The following QTRT2 variants were observed in gnomAD, a reference collection of about 807,000 sequenced individuals.
The protein encoded by QTRT2 is queuine tRNA-ribosyltransferase domain containing 1.
Under a neutral mutation model 44.8 loss-of-function variants are expected in QTRT2, and 32 were observed. That is an observed-to-expected ratio of 0.71 (90% CI 0.54 to 0.96). QTRT2 has a LOEUF of 0.96. Among genes scored for constraint, QTRT2 ranks in the 40% least tolerant of loss-of-function variants. The probability of loss-of-function intolerance (pLI) is 0.00; values close to 1 mark genes in which losing one functional copy is unlikely to be tolerated. For missense variants in QTRT2, 461 were observed against 503.1 expected (o/e 0.92, Z 0.80); for synonymous variants, 182 against 187.4 (o/e 0.97, Z 0.24).
intron 5 of QTRT2, chr3:114,068,442 A>G (rs1036131706): frequency 3.4e-5 from 8 of 237,190 alleles, no homozygotes; most frequent in African/African-American, 1.5e-4. Flanking sequence ...TATCACATGT[A>G]TAACTATATA....
chr3:114,069,225 T>C (rs1004480197), intron 5 of QTRT2, among the ~76,000 whole-genome samples: 8 of 152,144 alleles, frequency 5.3e-5, no homozygotes, highest in African/African-American at 1.9e-4. Flanking sequence ...TAACCAAAGA[T>C]AGAATTTTTT....
At chr3:114,072,943 T>C (rs938397462) in intron 6 of QTRT2, among the ~76,000 whole-genome samples, 1 of 152,142 alleles carries the variant, frequency 6.6e-6, no homozygotes, top group Non-Finnish European at 1.5e-5. Context: ...ATTTTAATAT[T>C]TGAGATCATG....
Position 114,070,857 on chromosome 3 carries a change from C to T in QTRT2, c.546+19C>T. 3 of 1,601,034 alleles carry T rather than the reference C, an allele frequency of 1.9e-6. No individual in the cohort carries two copies. Among genetic ancestry groups the T allele is most frequent in the Non-Finnish European group, 2.6e-6 (3 of 1,169,654 alleles). On this transcript the variant is annotated intron_variant, in intron 6 of 9. Coordinates refer to ENST00000281273, the MANE Select transcript of QTRT2 (RefSeq NM_024638.4). ...GTCAGAGGTAAGGCTGTGCCACTAA[C>T]CACTCCTTTCTCTTGACACTCTTGC...
chr3:114,083,059 C>A, intron 9 of QTRT2: 2 of 414,838 alleles, frequency 4.8e-6, no homozygotes, highest in South Asian at 2.1e-5. Context: ...CATTGTTTGG[C>A]GTCTTGTATT....
At chr3:114,062,368 CAAAA>C (rs143192501) in intron 2 of QTRT2, among the ~76,000 whole-genome samples, 10 of 86,148 alleles carry the variant, frequency 1.2e-4, no homozygotes, top group African/African-American at 3.1e-4. Flanking sequence ...GACCTTGTCT[CAAAA>C]AAAAAAAAAA....
intron 6 of QTRT2, among the ~76,000 whole-genome samples, chr3:114,075,504 ATT>A (rs34436490): frequency 0.052 from 6,135 of 118,618 alleles, 307 homozygotes; most frequent in African/African-American, 0.17. Context: ...AGTTTTACTG[ATT>A]TTTTTTTTTT....
At position 114,086,063 on chromosome 3, in the gene QTRT2, G is replaced by T. The variant is rs2077233518; in HGVS notation, c.*159G>T. The T allele has an allele frequency of 3.2e-6, 2 of 624,906 alleles. No individual in the cohort carries two copies. Among genetic ancestry groups the T allele is most frequent in the Admixed American group, 5.7e-5 (2 of 35,278 alleles). 38.7% of individuals were successfully genotyped at this position (624,906 alleles called of 1,614,324 possible). A position where few individuals can be genotyped will look rare whatever the true frequency, so the allele number is the denominator to read the frequency against. On this transcript the variant is annotated 3_prime_UTR_variant, in exon 10 of 10. Transcript: ENST00000281273. The stretch of plus-strand genomic sequence containing the variant: ...TTTGTACCAAACTGCCCACATGAGG[G>T]TGAAGAGATTTCCTCAAAAGACTTA...
chr3:114,063,712 CT>C (rs970822109), intron 2 of QTRT2, among the ~76,000 whole-genome samples: 5 of 150,348 alleles, frequency 3.3e-5, no homozygotes, highest in Admixed American at 6.6e-5. Context: ...AGTAGTTATT[CT>C]TTTTTTTTAA....
At chr3:114,059,393 T>C (rs941419218) in intron 2 of QTRT2, among the ~76,000 whole-genome samples, 3 of 152,186 alleles carry the variant, frequency 2.0e-5, no homozygotes, top group African/African-American at 7.2e-5. Flanking sequence ...TCTTGAACTT[T>C]CCTTGGCAAA....
At chr3:114,069,795 C>T (rs2077001109) in intron 5 of QTRT2, among the ~76,000 whole-genome samples, 2 of 152,016 alleles carry the variant, frequency 1.3e-5, no homozygotes, top group Admixed American at 1.3e-4. Flanking sequence ...GGTAGTTTTG[C>T]TTTTAGCTCA....
chr3:114,083,572 T>G (rs976427502), intron 9 of QTRT2, among the ~76,000 whole-genome samples: 4 of 152,166 alleles, frequency 2.6e-5, no homozygotes, highest in Non-Finnish European at 5.9e-5. Flanking sequence ...CAGTGAGTGA[T>G]TTTTCTTTGA....
chr3:114,064,984 C>T (rs984223342), intron 2 of QTRT2, among the ~76,000 whole-genome samples: 2 of 152,138 alleles, frequency 1.3e-5, no homozygotes, highest in East Asian at 1.9e-4. Flanking sequence ...TTCATCAGCT[C>T]AGACAAAAAT....
At position 114,056,825 on chromosome 3, in the gene QTRT2, G is replaced by A. The variant is rs1330384108; in HGVS notation, c.-169G>A. On this transcript the variant is annotated 5_prime_UTR_variant, in exon 1 of 10. Coordinates refer to ENST00000281273, the MANE Select transcript of QTRT2 (RefSeq NM_024638.4). ...TGGTAGTGAACTGTGAGGAGTTTGA[G>A]GGGTCTGAAGACTGAAAGAGTCGAA... is the stretch of plus-strand genomic sequence containing the variant. 1.3e-6 allele frequency: 2 copies of A among 1,535,278 alleles called. No homozygotes were observed. Among genetic ancestry groups the A allele is most frequent in the South Asian group, 2.4e-5 (2 of 83,918 alleles).
intron 6 of QTRT2, among the ~76,000 whole-genome samples, chr3:114,072,413 G>A (rs1178568535): frequency 3.9e-5 from 6 of 152,128 alleles, no homozygotes; most frequent in South Asian, 4.1e-4. Flanking sequence ...TTGGCCTCCC[G>A]AAGTGCCATG....
rs1394781475 is a variant in QTRT2 at position 114,082,788 on chromosome 3, A to G, written c.1010A>G (p.Glu337Gly). The change falls in exon 9 of 10, where the codon GAA becomes GGA. Residue 337 changes from glutamate (E) to glycine (G), a missense_variant. Coordinates refer to ENST00000281273, the MANE Select transcript of QTRT2 (RefSeq NM_024638.4). The stretch of plus-strand genomic sequence containing the variant: ...ACATCATTTGAAATTAATCTGAAGG[A>G]AAAAAAGTAAGAAATTTTTAAAAGT... ...EITSFEINLK[E>G]KKYQEDFNPL... The G allele has an allele frequency of 1.6e-5, 22 of 1,384,168 alleles. No individual in the cohort carries two copies. The highest frequency in any genetic ancestry group is 2.2e-5 in the Non-Finnish European group (22 of 999,336). The allele number at this position is 1,384,168 out of a possible 1,614,324, so 85.7% of individuals were successfully genotyped here.
chr3:114,081,743 C>T (rs1014184672), intron 8 of QTRT2, among the ~76,000 whole-genome samples: 11 of 152,102 alleles, frequency 7.2e-5, no homozygotes, highest in Non-Finnish European at 1.0e-4. Context: ...CAGCTGAGAG[C>T]TTCATTATGG....
intron 2 of QTRT2, among the ~76,000 whole-genome samples, chr3:114,058,946 G>A (rs1400835619): frequency 6.6e-6 from 1 of 152,204 alleles, no homozygotes; most frequent in African/African-American, 2.4e-5. Context: ...GTACATGTGT[G>A]GGAGAGAGGG....
In QTRT2 at chr3:114,080,058, G is replaced by C. The variant is rs758953255; in HGVS notation, c.898+1G>C. On this transcript the variant is annotated splice_donor_variant, in intron 8 of 9. Transcript: ENST00000281273. LOFTEE classifies it high-confidence loss of function. The stretch of plus-strand genomic sequence containing the variant: ...TACCAGCCGAATCCTGAAGAGACAC[G>C]TAAGTCTTTTGAAGTTTATCTCTTA... The C allele has an allele frequency of 3.1e-6, 5 of 1,590,236 alleles. No individual in the cohort carries two copies. The Admixed American group carries it at 9.1e-5, about 29-fold the overall frequency.
In QTRT2 at chr3:114,065,639, G is replaced by A. The variant is rs529055547; in HGVS notation, c.200+182G>A. On this transcript the variant is annotated intron_variant, in intron 3 of 9. Coordinates refer to ENST00000281273, the MANE Select transcript of QTRT2 (RefSeq NM_024638.4). ...GCCCTAATCTGGAAGCCACAGGCCAGACCTATATGTTAGATCTGCTTCACT... is the reference window on the plus strand; with the variant it reads ...GCCCTAATCTGGAAGCCACAGGCCAAACCTATATGTTAGATCTGCTTCACT... Among the ~76,000 whole-genome samples the A allele has an allele frequency of 8.5e-5, 13 of 152,312 alleles. No homozygotes were observed. In the South Asian group the frequency reaches 2.7e-3, roughly 32 times the overall value.
Sources: allele counts gnomAD v4.1 joint callset (sites outside exome capture counted in the v4.1 genomes callset), GRCh38; gene constraint gnomAD v4.1.1; transcripts MANE v1.5; gene names NCBI Gene and HGNC (gene_info 2026-07-23, HGNC 2026-07-21).